The following CSMD1 variants were observed in gnomAD, a reference collection of about 807,000 sequenced individuals.
CSMD1 encodes the protein CUB and sushi domain-containing protein 1.
In CSMD1, 213 loss-of-function variants were observed where a neutral mutation model predicts 417.5. The ratio of observed to expected loss-of-function variants is 0.51; its 90% CI spans 0.46 to 0.57. CSMD1 has a LOEUF of 0.57. Among genes scored for constraint, CSMD1 ranks in the 20% least tolerant of loss-of-function variants. CSMD1 has a pLI of 0.00. For synonymous variants in CSMD1, 2,862 were observed against 1,736.8 expected (o/e 1.65, Z -16.11); for missense variants, 6,923 against 4,529.7 (o/e 1.53, Z -15.17).
chr8:3,194,347 C>T (rs1362485878), intron 33 of CSMD1, among the ~76,000 whole-genome samples: 1 of 151,958 alleles, frequency 6.6e-6, no homozygotes, highest in African/African-American at 2.4e-5. Context: ...CCTACCCAAA[C>T]TGAGAAAAAA....
intron 1 of CSMD1, among the ~76,000 whole-genome samples, chr8:4,803,344 TA>T (rs1261351499): frequency 6.6e-6 from 1 of 152,132 alleles, no homozygotes; most frequent in East Asian, 1.9e-4. Context: ...CTTCGAAATA[TA>T]AAAAGGGTTT....
chr8:3,972,071 A>G (rs1444654393), intron 5 of CSMD1, among the ~76,000 whole-genome samples: 1 of 151,928 alleles, frequency 6.6e-6, no homozygotes, highest in Non-Finnish European at 1.5e-5. Context: ...GGGGCTCTGT[A>G]TGTTGCCCAG....
chr8:3,825,702 G>C (rs1395897685), intron 5 of CSMD1, among the ~76,000 whole-genome samples: 1 of 152,156 alleles, frequency 6.6e-6, no homozygotes, highest in South Asian at 2.1e-4. Flanking sequence ...CAAAGACATA[G>C]TAGCTAGCTA....
At chr8:3,502,933 C>T (rs1182003212) in intron 10 of CSMD1, among the ~76,000 whole-genome samples, 2 of 152,118 alleles carry the variant, frequency 1.3e-5, no homozygotes, top group Non-Finnish European at 2.9e-5. Flanking sequence ...GTAACAAACA[C>T]ACCATGCTGA....
intron 5 of CSMD1, among the ~76,000 whole-genome samples, chr8:3,780,570 T>A (rs1021077414): frequency 1.1e-4 from 17 of 152,174 alleles, no homozygotes; most frequent in African/African-American, 4.1e-4. Flanking sequence ...TATTTTCAAA[T>A]TCACAAATAC....
At chr8:2,981,934 G>C (rs1426938288) in intron 54 of CSMD1, among the ~76,000 whole-genome samples, 1 of 152,020 alleles carries the variant, frequency 6.6e-6, no homozygotes, top group African/African-American at 2.4e-5. Flanking sequence ...CTTTTTCCTG[G>C]AGAGGACCAG....
chr8:3,772,189 T>TATATAC (rs1377304281), intron 5 of CSMD1, among the ~76,000 whole-genome samples: 4 of 100,922 alleles, frequency 4.0e-5, no homozygotes, highest in African/African-American at 1.6e-4. Flanking sequence ...TATATATATA[T>TATATAC]ACACACACAC....
chr8:3,738,326 A>G (rs17067261), intron 6 of CSMD1, among the ~76,000 whole-genome samples: 50,362 of 152,118 alleles, frequency 0.33, 8,513 homozygotes, highest in Admixed American at 0.37. Context: ...GCATATTTCA[A>G]TACATCGTAC....
intron 4 of CSMD1, among the ~76,000 whole-genome samples, chr8:4,007,862 TTTAG>T (rs1456326429): frequency 1.3e-5 from 2 of 152,162 alleles, no homozygotes; most frequent in Non-Finnish European, 2.9e-5. Context: ...GAAAAGTTTA[TTTAG>T]TTATAGAGAT....
chr8:3,564,607 T>C lies in CSMD1; in HGVS notation c.1344+10338A>G, dbSNP rs1262481043. Among the ~76,000 whole-genome samples, 3 of 150,184 alleles carry C rather than the reference T, an allele frequency of 2.0e-5. No individual in the cohort carries two copies. In the East Asian group the frequency reaches 5.9e-4, roughly 29 times the overall value. On this transcript the variant is annotated intron_variant, in intron 10 of 69. Coordinates refer to ENST00000635120, the MANE Select transcript of CSMD1 (RefSeq NM_033225.6). ...TGGCCCTTGTTCTCCATTTTATTTC[T>C]CAGCTCCAAGAGGAGGCAGTAAAAA...
intron 23 of CSMD1, among the ~76,000 whole-genome samples, chr8:3,313,668 G>C (rs1219567705): frequency 6.6e-6 from 1 of 152,156 alleles, no homozygotes; most frequent in Non-Finnish European, 1.5e-5. Flanking sequence ...TCACACTGTT[G>C]GTGGGACTGT....
At chr8:4,642,045 T>C (rs1437108427) in intron 1 of CSMD1, among the ~76,000 whole-genome samples, 1 of 152,174 alleles carries the variant, frequency 6.6e-6, no homozygotes, top group Admixed American at 6.5e-5. Context: ...CAGGAACCAG[T>C]AAGAACTGAC....
chr8:4,571,682 T>C (rs1050186657), intron 2 of CSMD1, among the ~76,000 whole-genome samples: 9 of 152,298 alleles, frequency 5.9e-5, no homozygotes, highest in Middle Eastern at 3.4e-3. Context: ...CTGAATATCT[T>C]TGTTAATTTT....
chr8:3,891,507 C>T (rs995710019), intron 5 of CSMD1, among the ~76,000 whole-genome samples: 1 of 151,968 alleles, frequency 6.6e-6, no homozygotes, highest in Non-Finnish European at 1.5e-5. Flanking sequence ...TAACAAGACC[C>T]CATGCCTAAT....
intron 1 of CSMD1, among the ~76,000 whole-genome samples, chr8:4,845,825 A>C (rs1585202932): frequency 6.6e-6 from 1 of 152,350 alleles, no homozygotes; most frequent in African/African-American, 2.4e-5. Flanking sequence ...TTCACATCAG[A>C]AATTTACATA....
At chr8:4,736,282 A>C (rs763437245) in intron 1 of CSMD1, among the ~76,000 whole-genome samples, 16 of 152,190 alleles carry the variant, frequency 1.1e-4, no homozygotes, top group Non-Finnish European at 1.6e-4. Flanking sequence ...AGGTCACTGC[A>C]CACTCTGTTG....
chr8:4,250,208 T>C (rs924836622), intron 3 of CSMD1, among the ~76,000 whole-genome samples: 2 of 152,198 alleles, frequency 1.3e-5, no homozygotes, highest in African/African-American at 2.4e-5. Flanking sequence ...ACCTGGTCTG[T>C]AGTATTTTGT....
chr8:3,577,244 A>G (rs952493131), intron 9 of CSMD1, among the ~76,000 whole-genome samples: 2 of 144,764 alleles, frequency 1.4e-5, no homozygotes, highest in Non-Finnish European at 1.5e-5. Flanking sequence ...CTCATGCATC[A>G]TATTTTATTT....
chr8:4,496,046 G>T (rs959400298), intron 2 of CSMD1, among the ~76,000 whole-genome samples: 2 of 152,102 alleles, frequency 1.3e-5, no homozygotes, highest in Non-Finnish European at 2.9e-5. Context: ...AATTGGCACT[G>T]TTTTCTTTTT....
Sources: gnomAD v4.1 joint callset for allele counts (sites outside exome capture counted in the v4.1 genomes callset) on GRCh38, gnomAD v4.1.1 for gene constraint, MANE v1.5 for transcripts, NCBI Gene and HGNC (gene_info 2026-07-23, HGNC 2026-07-21) for gene names.